ERC2: variants seen among roughly 807,000 people sequenced by gnomAD.
ERC2 encodes the protein ELKS/RAB6-interacting/CAST family member 2.
ERC2 carries 42 observed loss-of-function variants against 114.8 expected under a neutral mutation model. The observed-to-expected ratio is 0.37, with a 90% CI of 0.29 to 0.47. ERC2 has a LOEUF of 0.47. Ranked by LOEUF, ERC2 falls within the 20% of genes least tolerant of loss-of-function variation. ERC2 has a pLI of 0.99. For missense variants in ERC2, 939 were observed against 1,150.7 expected (o/e 0.82, Z 2.66); for synonymous variants, 454 against 425.5 (o/e 1.07, Z -0.82).
At chr3:55,830,244 T>C (rs2060510322) in intron 14 of ERC2, among the ~76,000 whole-genome samples, 2 of 152,186 alleles carry the variant, frequency 1.3e-5, no homozygotes, top group South Asian at 2.1e-4. Flanking sequence ...AGCAAAAATA[T>C]GCTTCAGGAC....
intron 17 of ERC2, among the ~76,000 whole-genome samples, chr3:55,661,851 ACC>A (rs1273189870): frequency 6.6e-6 from 1 of 151,474 alleles, no homozygotes; most frequent in Non-Finnish European, 1.5e-5. Context: ...AAGTGGGCCC[ACC>A]TCCTTTCCTG....
intron 4 of ERC2, among the ~76,000 whole-genome samples, chr3:56,154,165 G>A (rs1304280584): frequency 1.3e-5 from 2 of 152,132 alleles, no homozygotes; most frequent in East Asian, 1.9e-4. Context: ...AGGATTTACT[G>A]TGTGGGATGA....
chr3:55,856,529 C>T (rs966779988), intron 14 of ERC2, among the ~76,000 whole-genome samples: 1 of 151,976 alleles, frequency 6.6e-6, no homozygotes, highest in Non-Finnish European at 1.5e-5. Flanking sequence ...TATATACACA[C>T]ACATATACAC....
At chr3:56,026,102 G>A (rs977107744) in intron 7 of ERC2, among the ~76,000 whole-genome samples, 6 of 104,672 alleles carry the variant, frequency 5.7e-5, no homozygotes, top group Non-Finnish European at 1.0e-4. Flanking sequence ...GTCTCACTCT[G>A]TTGCCCAGGC....
chr3:56,206,283 G>A (rs1360636235), intron 3 of ERC2, among the ~76,000 whole-genome samples: 2 of 151,956 alleles, frequency 1.3e-5, no homozygotes, highest in Admixed American at 1.3e-4. Context: ...TCTTATCCAT[G>A]CCTCCAAAGC....
At chr3:56,121,279 T>G (rs1484967045) in intron 6 of ERC2, among the ~76,000 whole-genome samples, 1 of 152,246 alleles carries the variant, frequency 6.6e-6, no homozygotes, top group Non-Finnish European at 1.5e-5. Flanking sequence ...TCGATCTTTC[T>G]GAAATAGGTG....
At position 56,296,215 on chromosome 3, in the gene ERC2, G is replaced by A. The variant is rs779075464; in HGVS notation, c.878C>T (p.Thr293Met). 5.0e-6 allele frequency: 8 copies of A among 1,613,930 alleles called. No homozygotes were observed. The highest frequency in any genetic ancestry group is 6.8e-6 in the Non-Finnish European group (8 of 1,179,860). ...TCGGGCATTGAGGGTTTGTTTCTGC[G>A]TTTCAATTCTCAGCTCCATTTCCTC... ...TLEEMELRIE[T>M]QKQTLNARDE... Residue 293 changes from threonine to methionine, a missense_variant, in exon 3 of 18, where the codon ACG (threonine) becomes ATG (methionine). By Grantham distance (81) the Thr-to-Met change is moderately conservative. Around this residue, in one of 5 missense-constraint regions of ERC2, gnomAD observed 33 missense variants for 75.6 expected, o/e 0.44. Coordinates refer to ENST00000288221, the MANE Select transcript of ERC2 (RefSeq NM_015576.3).
At chr3:56,188,481 G>T (rs887783032) in intron 3 of ERC2, among the ~76,000 whole-genome samples, 1 of 152,184 alleles carries the variant, frequency 6.6e-6, no homozygotes, top group East Asian at 1.9e-4. Flanking sequence ...GGAGCAGAGG[G>T]CGGCTCCTAC....
chr3:56,328,525 G>A (rs950736062), intron 2 of ERC2, among the ~76,000 whole-genome samples: 7 of 152,154 alleles, frequency 4.6e-5, no homozygotes, highest in South Asian at 2.1e-4. Context: ...AGGTACAAAC[G>A]GGTATTTTTA....
intron 2 of ERC2, among the ~76,000 whole-genome samples, chr3:56,353,807 A>ATAT (rs2058642743): frequency 1.4e-5 from 2 of 147,910 alleles, no homozygotes; most frequent in South Asian, 2.1e-4. Context: ...CGTATAATAA[A>ATAT]ATATATATAT....
intron 14 of ERC2, among the ~76,000 whole-genome samples, chr3:55,794,932 T>C (rs1473957116): frequency 6.6e-6 from 1 of 152,310 alleles, no homozygotes; most frequent in South Asian, 2.1e-4. Flanking sequence ...ATCATGTCAT[T>C]TTCACTTTGC....
chr3:56,174,616 T>C (rs1304421300), intron 3 of ERC2, among the ~76,000 whole-genome samples: 1 of 152,236 alleles, frequency 6.6e-6, no homozygotes, highest in Admixed American at 6.5e-5. Flanking sequence ...TCTAGCTTTC[T>C]GCAAGTAAAG....
At chr3:56,111,867 T>C (rs2078980958) in intron 6 of ERC2, among the ~76,000 whole-genome samples, 1 of 152,172 alleles carries the variant, frequency 6.6e-6, no homozygotes, top group Admixed American at 6.5e-5. Flanking sequence ...CTGTTTAACT[T>C]ACAAGAGACA....
intron 17 of ERC2, among the ~76,000 whole-genome samples, chr3:55,542,020 T>C (rs1299155904): frequency 6.6e-6 from 1 of 152,212 alleles, no homozygotes; most frequent in African/African-American, 2.4e-5. Context: ...TTAATCTTCA[T>C]AGTAATTCTG....
chr3:56,255,030 A>G lies in ERC2; in HGVS notation c.1074+40989T>C, dbSNP rs909935696. Among the ~76,000 whole-genome samples the G allele has an allele frequency of 3.9e-5, 6 of 152,240 alleles. No individual in the cohort carries two copies. In the South Asian group the frequency reaches 8.3e-4, roughly 21 times the overall value. On this transcript the variant is annotated intron_variant, in intron 3 of 17. Transcript: ENST00000288221. ...ATTATATCTCCATAATGAAATTTCA[A>G]CGTAGTTCACAATTCTTATTTCCAT...
chr3:56,361,004 G>A (rs2058936166), intron 2 of ERC2, among the ~76,000 whole-genome samples: 1 of 152,156 alleles, frequency 6.6e-6, no homozygotes, highest in African/African-American at 2.4e-5. Flanking sequence ...GCAAACAGAA[G>A]CACAGAGGTA....
At chr3:56,170,506 C>T (rs554225618) in intron 4 of ERC2, among the ~76,000 whole-genome samples, 4 of 151,610 alleles carry the variant, frequency 2.6e-5, no homozygotes, top group East Asian at 1.9e-4. Context: ...GGGGTTGAAG[C>T]TCACCCTTAG....
chr3:56,415,097 C>T (rs889975110), intron 2 of ERC2, among the ~76,000 whole-genome samples: 13 of 152,184 alleles, frequency 8.5e-5, no homozygotes, highest in African/African-American at 2.7e-4. Context: ...ACAACTAATT[C>T]CCCAGGTCAC....
intron 2 of ERC2, among the ~76,000 whole-genome samples, chr3:56,325,227 G>A (rs543250775): frequency 6.6e-6 from 1 of 152,064 alleles, no homozygotes; most frequent in African/African-American, 2.4e-5. Context: ...GGTGGATTAC[G>A]AGGTCAGGAG....
Sources: allele counts gnomAD v4.1 joint callset (sites outside exome capture counted in the v4.1 genomes callset), GRCh38; gene constraint gnomAD v4.1.1; regional missense constraint gnomAD v4.1.1; transcripts MANE v1.5; gene names NCBI Gene and HGNC (gene_info 2026-07-23, HGNC 2026-07-21).